The following ZNF721 variants were observed in gnomAD, a reference collection of about 807,000 sequenced individuals.
The protein encoded by ZNF721 is zinc finger protein 721.
Under a neutral mutation model 2.4 loss-of-function variants are expected in ZNF721, and 2 were observed. The ratio of observed to expected loss-of-function variants is 0.82; its 90% CI spans 0.34 to 2.58. The LOEUF (loss-of-function observed/expected upper bound fraction) is 2.58. Among genes scored for constraint, ZNF721 ranks in the 30% most tolerant of loss-of-function variants. The probability of loss-of-function intolerance (pLI) is 0.11; values close to 1 mark genes in which losing one functional copy is unlikely to be tolerated. For missense variants in ZNF721, 1,187 were observed against 1,085.5 expected (o/e 1.09, Z -1.31); for synonymous variants, 398 against 381.8 (o/e 1.04, Z -0.50).
At chr4:494,694 A>G (rs1716105434) in intron 1 of ZNF721, among the ~76,000 whole-genome samples, 1 of 152,062 alleles carries the variant, frequency 6.6e-6, no homozygotes, top group Non-Finnish European at 1.5e-5. Context: ...CTAGAGGGAG[A>G]CAGCTTTATT....
chr4:477,324 G>A (rs782217944), intron 1 of ZNF721, among the ~76,000 whole-genome samples: 4 of 123,338 alleles, frequency 3.2e-5, no homozygotes, highest in South Asian at 5.6e-4. Context: ...TGCAAGCTCC[G>A]CCTCCTGGGT....
At chr4:482,786 C>T (rs538652627) in intron 1 of ZNF721, among the ~76,000 whole-genome samples, 8 of 152,264 alleles carry the variant, frequency 5.3e-5, no homozygotes, top group African/African-American at 1.4e-4. Flanking sequence ...TGAGCCACCG[C>T]GCTTGGCCTT....
At chr4:450,523 A>G (rs146319072) in intron 2 of ZNF721, among the ~76,000 whole-genome samples, 40 of 152,302 alleles carry the variant, frequency 2.6e-4, no homozygotes, top group African/African-American at 8.7e-4. Flanking sequence ...TTTTGAATAT[A>G]ACATCAAAGG....
intron 1 of ZNF721, among the ~76,000 whole-genome samples, chr4:491,859 TA>T (rs1248454722): frequency 2.7e-5 from 4 of 149,046 alleles, no homozygotes; most frequent in East Asian, 2.0e-4. Flanking sequence ...TAACCTTAAT[TA>T]AAAAAAAAAT....
At position 442,226 on chromosome 4, in the gene ZNF721, A is replaced by G. The variant is rs1553863297; in HGVS notation, c.2241T>C (p.His747=). The change falls in exon 3 of 3, where the codon CAT becomes CAC. Residue 747 remains histidine (H), a synonymous_variant. Transcript: ENST00000511833. ...STNLNEYKKI[H]TGDKLYKCKE... ...TACATTTGTAGAGTTTATCTCCAGT[A>G]TGAATTTTCTTATATTCGTTCAGGT... 1 of 1,613,074 alleles carries G rather than the reference A, an allele frequency of 6.2e-7. No individual in the cohort carries two copies. The highest frequency in any genetic ancestry group is 8.5e-7 in the Non-Finnish European group (1 of 1,179,346).
At chr4:464,616 GTGT>G (rs1375398503) in intron 2 of ZNF721, among the ~76,000 whole-genome samples, 1 of 152,104 alleles carries the variant, frequency 6.6e-6, no homozygotes, top group Non-Finnish European at 1.5e-5. Context: ...CATAAATAGT[GTGT>G]TGAAGGGAGT....
chr4:494,274 T>C (rs921222390), intron 1 of ZNF721, among the ~76,000 whole-genome samples: 11 of 151,346 alleles, frequency 7.3e-5, no homozygotes, highest in Non-Finnish European at 1.2e-4. Flanking sequence ...CTCCGCCTCC[T>C]GGGTTCACGC....
chr4:443,171 C>G lies in ZNF721; in HGVS notation c.1296G>C (p.Leu432=). 6.2e-7 allele frequency: 1 copy of G among 1,612,584 alleles called. No homozygotes were observed. Among genetic ancestry groups the G allele is most frequent in the African/African-American group, 1.3e-5 (1 of 74,518 alleles). The change falls in exon 3 of 3, where the codon CTG becomes CTC. Residue 432 remains leucine (L), a synonymous_variant. Coordinates refer to ENST00000511833, the MANE Select transcript of ZNF721 (RefSeq NM_133474.4). ...RGRAFGLSTN[L]NEYKKIHTGD... ...CAGTATGAATTTTCTTATATTCATT[C>G]AGGTTTGTGGACAATCCAAAGGCTC...
chr4:474,115 G>A (rs1560238923), intron 1 of ZNF721: 4 of 1,158,610 alleles, frequency 3.5e-6, no homozygotes, highest in East Asian at 4.2e-5. Flanking sequence ...GGGAAGTGAG[G>A]CCCTAACCGA....
chr4:481,270 G>T (rs1715763974), intron 1 of ZNF721, among the ~76,000 whole-genome samples: 1 of 152,038 alleles, frequency 6.6e-6, no homozygotes, highest in African/African-American at 2.4e-5. Context: ...ATTTTCTTGG[G>T]GGCTGCATTA....
chr4:459,439 G>A (rs1381332960), intron 2 of ZNF721, among the ~76,000 whole-genome samples: 1 of 152,022 alleles, frequency 6.6e-6, no homozygotes, highest in Non-Finnish European at 1.5e-5. Context: ...AAAATAAAGG[G>A]AGGGAGGAAT....
chr4:465,950 C>CA (rs1214474313), intron 2 of ZNF721, among the ~76,000 whole-genome samples: 19 of 151,640 alleles, frequency 1.3e-4, no homozygotes, highest in African/African-American at 4.6e-4. Context: ...AAATGGTAGT[C>CA]ATAAGTTATT....
chr4:466,639 G>C (rs1553866802), intron 2 of ZNF721, among the ~76,000 whole-genome samples: 1 of 152,090 alleles, frequency 6.6e-6, no homozygotes, highest in African/African-American at 2.4e-5. Flanking sequence ...AATTTCATTT[G>C]TAGATTAAAC....
At chr4:473,015 C>G (rs982316668) in intron 1 of ZNF721, among the ~76,000 whole-genome samples, 1 of 152,024 alleles carries the variant, frequency 6.6e-6, no homozygotes, top group Non-Finnish European at 1.5e-5. Context: ...TCATGCTTGA[C>G]CTTGGCCTTG....
chr4:472,382 A>G (rs1715462735), intron 2 of ZNF721, among the ~76,000 whole-genome samples, 193 bp downstream of exon 2: 1 of 152,228 alleles, frequency 6.6e-6, no homozygotes, highest in Non-Finnish European at 1.5e-5. Context: ...TTCCTAAATG[A>G]TATGTTGCTT....
rs1714274223 is a variant in ZNF721, at chr4:442,339, T to C, written c.2128A>G (p.Arg710Gly). 1.9e-6 allele frequency: 3 copies of C among 1,613,826 alleles called. No homozygotes were observed. Among genetic ancestry groups the C allele is most frequent in the Admixed American group, 1.7e-5 (1 of 59,998 alleles). ...EECGKAFSRSRNLTTHRRVHT... is the reference protein window; with the variant it reads ...EECGKAFSRSGNLTTHRRVHT... ...ACTCTCCTATGTGTAGTAAGGTTTC[T>C]TGACCTACTAAAGGCTTTGCCACAC... is the stretch of plus-strand genomic sequence containing the variant. Residue 710 changes from arginine to glycine, a missense_variant, in exon 3 of 3, where the codon AGA becomes GGA. Physicochemically the swap from Arg to Gly is moderately radical, Grantham distance 125. Coordinates refer to ENST00000511833, the MANE Select transcript of ZNF721 (RefSeq NM_133474.4).
Position 457,543 on chromosome 4 carries a change from G to A in ZNF721, c.35-13111C>T, listed in dbSNP as rs558577035. On this transcript the variant is annotated intron_variant, in intron 2 of 2. Coordinates refer to ENST00000511833, the MANE Select transcript of ZNF721 (RefSeq NM_133474.4). ...AAGACACCTAAACCAAGACACCTAT[G>A]CCTCAGGTGAAAGGCCTTTAGAAGT... Among the ~76,000 whole-genome samples, 16 of 152,212 alleles carry A rather than the reference G, an allele frequency of 1.1e-4. No individual in the cohort carries two copies. The East Asian group carries it at 2.5e-3, about 24-fold the overall frequency.
intron 2 of ZNF721, among the ~76,000 whole-genome samples, chr4:446,355 GA>G (rs1553864143): frequency 6.6e-6 from 1 of 151,018 alleles, no homozygotes; most frequent in Admixed American, 6.6e-5. Flanking sequence ...AATAACAAAC[GA>G]GGACAGATGT....
intron 1 of ZNF721, among the ~76,000 whole-genome samples, chr4:474,614 C>A (rs1344995076): frequency 6.6e-6 from 1 of 152,184 alleles, no homozygotes; most frequent in Non-Finnish European, 1.5e-5. Flanking sequence ...CGGTTGCTCA[C>A]GCCAGTAATC....
Sources: gnomAD v4.1 joint callset for allele counts (sites outside exome capture counted in the v4.1 genomes callset) on GRCh38, gnomAD v4.1.1 for gene constraint, MANE v1.5 for transcripts, NCBI Gene and HGNC (gene_info 2026-07-23, HGNC 2026-07-21) for gene names.